CEP128: variants seen among roughly 807,000 people sequenced by gnomAD.
The protein encoded by CEP128 is centrosomal protein 128kDa.
In CEP128, 132 loss-of-function variants were observed where a neutral mutation model predicts 156.7. The ratio of observed to expected loss-of-function variants is 0.84; its 90% CI spans 0.73 to 0.97. The LOEUF (loss-of-function observed/expected upper bound fraction) is 0.97. Ranked by LOEUF, CEP128 falls within the 50% of genes least tolerant of loss-of-function variation. The pLI is 0.00. For missense variants in CEP128, 1,252 were observed against 1,281.9 expected, an observed-to-expected ratio of 0.98 and a Z score of 0.36; for synonymous variants, 469 against 448.9, an observed-to-expected ratio of 1.04 and a Z score of -0.57.
At chr14:80,639,858 C>G (rs954641703) in intron 19 of CEP128, among the ~76,000 whole-genome samples, 6 of 152,086 alleles carry the variant, frequency 3.9e-5, no homozygotes, top group Admixed American at 6.6e-5. Context: ...TTCATGCTGT[C>G]AAATTTGAAG....
At chr14:80,957,206 T>C (rs2139674785) in intron 2 of CEP128, among the ~76,000 whole-genome samples, 1 of 152,212 alleles carries the variant, frequency 6.6e-6, no homozygotes, top group Non-Finnish European at 1.5e-5. Flanking sequence ...TAATGCCTAC[T>C]CCCAGATCCA....
At chr14:80,554,384 T>A (rs1890340030) in intron 21 of CEP128, among the ~76,000 whole-genome samples, 1 of 152,136 alleles carries the variant, frequency 6.6e-6, no homozygotes, top group South Asian at 2.1e-4. Flanking sequence ...ACTCAGGATA[T>A]AAAATGGGCA....
At chr14:80,726,202 T>C (rs572819524) in intron 19 of CEP128, among the ~76,000 whole-genome samples, 1 of 152,316 alleles carries the variant, frequency 6.6e-6, no homozygotes, top group South Asian at 2.1e-4. Flanking sequence ...TATAACCTTG[T>C]ATTAATAGGG....
rs79251075 is a variant in CEP128, at chr14:80,628,771, G to A, written c.2807-48348C>T. ...GCAGCAACAGCCCTGGACTTTCACC[G>A]GAGCTACTGATAAGTAAGCTCTTGC... On this transcript the variant is annotated intron_variant, in intron 19 of 24. Transcript: ENST00000555265. Among the ~76,000 whole-genome samples the A allele has an allele frequency of 1.0e-3, 154 of 152,214 alleles. 1 individual carries two copies. The highest frequency in any genetic ancestry group is 9.5e-3 in the Admixed American group (145 of 15,282).
At chr14:80,741,529 C>T (rs944749823) in intron 19 of CEP128, among the ~76,000 whole-genome samples, 21 of 152,054 alleles carry the variant, frequency 1.4e-4, no homozygotes, top group African/African-American at 4.3e-4. Context: ...AAGTGTATGA[C>T]AACATGGATC....
intron 21 of CEP128, among the ~76,000 whole-genome samples, chr14:80,534,461 T>A (rs1889383419): frequency 6.6e-6 from 1 of 152,180 alleles, no homozygotes; most frequent in South Asian, 2.1e-4. Context: ...ATATTTTGTT[T>A]TCTAAGTTGG....
chr14:80,945,254 G>T (rs770205948), upstream of CEP128, among the ~76,000 whole-genome samples: 6 of 152,088 alleles, frequency 3.9e-5, no homozygotes, highest in Non-Finnish European at 7.4e-5. Context: ...CTCTCTTCTT[G>T]TAACGACACC....
At chr14:80,761,713 G>C (rs527954840) in intron 16 of CEP128, 100 bp from the exon 17 acceptor site, 2 of 776,772 alleles carry the variant, frequency 2.6e-6, no homozygotes, top group Non-Finnish European at 4.0e-6. Flanking sequence ...GATTTGAAAA[G>C]AAATCTGATT....
At chr14:80,730,345 C>G (rs1898216615) in intron 19 of CEP128, among the ~76,000 whole-genome samples, 1 of 152,132 alleles carries the variant, frequency 6.6e-6, no homozygotes, top group South Asian at 2.1e-4. Flanking sequence ...TAATTTATAT[C>G]TCTCTTCTCA....
At chr14:80,624,496 C>T (rs1051881102) in intron 19 of CEP128, among the ~76,000 whole-genome samples, 1 of 152,030 alleles carries the variant, frequency 6.6e-6, no homozygotes, top group African/African-American at 2.4e-5. Context: ...TTTTGTGGAA[C>T]TTCCGTACTG....
intron 20 of CEP128, among the ~76,000 whole-genome samples, chr14:80,568,850 C>T (rs1218903944): frequency 6.6e-6 from 1 of 152,162 alleles, no homozygotes; most frequent in Non-Finnish European, 1.5e-5. Context: ...TTCTGGGAAG[C>T]ATACATGAAG....
chr14:80,912,756 T>C (rs1244171579), intron 4 of CEP128, among the ~76,000 whole-genome samples: 6 of 135,524 alleles, frequency 4.4e-5, no homozygotes, highest in Non-Finnish European at 9.6e-5. Context: ...CAACTATACC[T>C]TTACTTGTAA....
intron 19 of CEP128, among the ~76,000 whole-genome samples, chr14:80,583,443 AAGC>A (rs1891673429): frequency 6.6e-6 from 1 of 152,130 alleles, no homozygotes; most frequent in Non-Finnish European, 1.5e-5. Flanking sequence ...CCTGCTGCAG[AAGC>A]AGGTCATGGC....
chr14:80,481,452 C>A (rs1398143441), intron 14 of CEP128, among the ~76,000 whole-genome samples: 1 of 152,206 alleles, frequency 6.6e-6, no homozygotes, highest in Non-Finnish European at 1.5e-5. Context: ...GTTAAGATTT[C>A]AGTGGGGACA....
chr14:80,559,389 C>G, intron 20 of CEP128, 87 bp from the exon 21 acceptor site: 1 of 1,014,096 alleles, frequency 9.9e-7, no homozygotes, highest in Non-Finnish European at 1.5e-6. Context: ...ATTCTATTTA[C>G]CATCTATTAT....
chr14:80,909,952 T>C (rs1884113341), intron 4 of CEP128, among the ~76,000 whole-genome samples: 1 of 152,180 alleles, frequency 6.6e-6, no homozygotes, highest in Non-Finnish European at 1.5e-5. Flanking sequence ...TTTTCTATGA[T>C]GGATGATGTT....
intron 19 of CEP128, among the ~76,000 whole-genome samples, chr14:80,730,354 C>A (rs1479416409): frequency 3.3e-5 from 5 of 152,132 alleles, no homozygotes; most frequent in Non-Finnish European, 7.4e-5. Context: ...TCTCTCTTCT[C>A]AAGACTGAAA....
At chr14:80,587,911 A>G (rs1368417855) in intron 19 of CEP128, among the ~76,000 whole-genome samples, 2 of 152,120 alleles carry the variant, frequency 1.3e-5, no homozygotes, top group African/African-American at 2.4e-5. Context: ...ATTTAAATTA[A>G]TTGGGCTGGG....
At chr14:80,577,985 A>G (rs1392843029) in intron 20 of CEP128, among the ~76,000 whole-genome samples, 1 of 152,126 alleles carries the variant, frequency 6.6e-6, no homozygotes, top group East Asian at 1.9e-4. Context: ...TGGGAAGCCT[A>G]CTTGGATTGC....
Sources: gnomAD v4.1 joint callset for allele counts (sites outside exome capture counted in the v4.1 genomes callset) on GRCh38, gnomAD v4.1.1 for gene constraint, MANE v1.5 for transcripts, NCBI Gene and HGNC (gene_info 2026-07-23, HGNC 2026-07-21) for gene names.